The following PIK3C2G variants were observed in gnomAD, a reference collection of about 807,000 sequenced individuals.
PIK3C2G encodes phosphatidylinositol-4-phosphate 3-kinase catalytic subunit type 2 gamma, also known as phosphatidylinositol 3-kinase C2 domain-containing subunit gamma.
In PIK3C2G, 168 loss-of-function variants were observed where a neutral mutation model predicts 181.1. The ratio of observed to expected loss-of-function variants is 0.93; its 90% confidence interval spans 0.82 to 1.05. The LOEUF is 1.05. Ranked by LOEUF, PIK3C2G falls within the 50% of genes least tolerant of loss-of-function variation. PIK3C2G has a pLI of 0.00. For synonymous variants in PIK3C2G, 573 were observed against 592.2 expected, an observed-to-expected ratio of 0.97 and a Z score of 0.47; for missense variants, 1,869 against 1,732.8, an observed-to-expected ratio of 1.08 and a Z score of -1.40.
intron 1 of PIK3C2G, among the ~76,000 whole-genome samples, chr12:18,265,496 T>G (rs1272098978): frequency 6.6e-6 from 1 of 152,156 alleles, no homozygotes. Flanking sequence ...AAACACACAC[T>G]TTTACCTGAT....
rs1000564582 is a variant in PIK3C2G, at chr12:18,346,666, A to T, written c.1455A>T (p.Glu485Asp). ...GCTTGATAGAGAAGGTAACAACTGA[A>T]CTATCCACATCCATCTACCAGCTAA... ...AKGLIEKVTT[E>D]LSTSIYQLIN... Residue 485 changes from glutamate (E) to aspartate (D), a missense_variant, in exon 11 of 33, where the codon GAA (glutamate) becomes GAT (aspartate). Glu to Asp is a conservative substitution (Grantham distance 45). Coordinates refer to ENST00000538779, the MANE Select transcript of PIK3C2G (RefSeq NM_001288772.2). The T allele has an allele frequency of 5.0e-6, 8 of 1,612,298 alleles. No individual in the cohort carries two copies. Among genetic ancestry groups the T allele is most frequent in the African/African-American group, 4.0e-5 (3 of 74,998 alleles).
intron 19 of PIK3C2G, among the ~76,000 whole-genome samples, chr12:18,488,922 G>A (rs1476096427): frequency 2.0e-5 from 3 of 152,010 alleles, no homozygotes; most frequent in South Asian, 2.1e-4. Flanking sequence ...AACTAATCGC[G>A]TCAATATGGA....
At chr12:18,293,875 C>T in intron 4 of PIK3C2G, 26 bp from the exon 5 acceptor site, 3 of 1,147,018 alleles carry the variant, frequency 2.6e-6, no homozygotes, top group Non-Finnish European at 4.0e-6. Context: ...CTTTTATTGA[C>T]TTTTATTATT....
At chr12:18,391,523 T>C (rs1157157067) in intron 15 of PIK3C2G, among the ~76,000 whole-genome samples, 1 of 152,184 alleles carries the variant, frequency 6.6e-6, no homozygotes, top group Admixed American at 6.5e-5. Flanking sequence ...AGAGTGATCA[T>C]ATATACATCA....
intron 7 of PIK3C2G, among the ~76,000 whole-genome samples, 160 bp from the exon 8 acceptor site, chr12:18,324,875 C>A (rs537562060): frequency 6.6e-6 from 1 of 151,986 alleles, no homozygotes; most frequent in Admixed American, 6.6e-5. Context: ...TATAAGGCAC[C>A]CTTCTGAGAT....
chr12:18,658,387 G>A, the PIK3C2G span, among the ~76,000 whole-genome samples: 5 of 152,174 alleles, frequency 3.3e-5, no homozygotes, highest in South Asian at 4.1e-4. Flanking sequence ...AATGAGACAC[G>A]CTATAATCAA....
downstream of PIK3C2G, among the ~76,000 whole-genome samples, chr12:18,653,126 C>A (rs1367937084): frequency 1.3e-5 from 2 of 152,018 alleles, no homozygotes; most frequent in African/African-American, 2.4e-5. Flanking sequence ...GGTTATAGAT[C>A]ATTGCCTGGC....
At chr12:18,256,056 A>C (rs536009956) in intron 1 of PIK3C2G, among the ~76,000 whole-genome samples, 1 of 152,330 alleles carries the variant, frequency 6.6e-6, no homozygotes, top group Middle Eastern at 3.4e-3. Flanking sequence ...AGTATTCAAT[A>C]AATGAATTAT....
the PIK3C2G span, among the ~76,000 whole-genome samples, chr12:18,704,283 G>C: frequency 6.6e-6 from 1 of 152,138 alleles, no homozygotes; most frequent in Non-Finnish European, 1.5e-5. Context: ...CAGGTTGCAA[G>C]GAGACAAGAA....
the PIK3C2G span, among the ~76,000 whole-genome samples, chr12:18,725,256 C>T: frequency 6.6e-6 from 1 of 151,980 alleles, no homozygotes; most frequent in African/African-American, 2.4e-5. Flanking sequence ...GGAAGAAAAG[C>T]AGGACGTGGT....
At chr12:18,674,109 C>T in the PIK3C2G span, among the ~76,000 whole-genome samples, 1 of 152,062 alleles carries the variant, frequency 6.6e-6, no homozygotes, top group African/African-American at 2.4e-5. Flanking sequence ...AGAATAAAAT[C>T]GAAAGACAAA....
the PIK3C2G span, chr12:18,699,714 T>C: frequency 2.2e-6 from 3 of 1,368,838 alleles, no homozygotes; most frequent in South Asian, 2.4e-5. Flanking sequence ...ATTTTATAAA[T>C]ATCATTGAGC....
chr12:18,621,221 G>GAAAAGAA (rs1344733379), intron 31 of PIK3C2G, among the ~76,000 whole-genome samples: 1 of 151,146 alleles, frequency 6.6e-6, no homozygotes, highest in African/African-American at 2.4e-5. Context: ...ACAAAAAACA[G>GAAAAGAA]AAAAGAAAAA....
intron 15 of PIK3C2G, among the ~76,000 whole-genome samples, chr12:18,395,706 T>C: frequency 6.6e-6 from 1 of 151,354 alleles, no homozygotes; most frequent in Admixed American, 6.6e-5. Context: ...AAAAATAAAA[T>C]TTATAATAAC....
chr12:18,630,131 G>A (rs1295092701), intron 31 of PIK3C2G, among the ~76,000 whole-genome samples: 2 of 152,032 alleles, frequency 1.3e-5, no homozygotes, highest in African/African-American at 4.8e-5. Flanking sequence ...GATGAAGGGG[G>A]CCAGGTGCGG....
At chr12:18,276,805 A>T (rs577724370) in intron 1 of PIK3C2G, among the ~76,000 whole-genome samples, 288 of 152,318 alleles carry the variant, frequency 1.9e-3, no homozygotes, top group African/African-American at 6.6e-3. Flanking sequence ...TGTGCAAATG[A>T]GTAATAGGTG....
At chr12:18,715,269 C>A in the PIK3C2G span, among the ~76,000 whole-genome samples, 28 of 145,760 alleles carry the variant, frequency 1.9e-4, no homozygotes, top group African/African-American at 6.3e-4. Flanking sequence ...TTGGAAGAAC[C>A]CTGATGAGGA....
the PIK3C2G span, chr12:18,719,638 A>C: frequency 6.4e-7 from 1 of 1,552,610 alleles, no homozygotes; most frequent in Non-Finnish European, 8.8e-7. Context: ...CCTAACTAAA[A>C]AAATAAAATA....
At chr12:18,551,606 C>CAAAACAAAACCCCACACTTCAA (rs1199097311) in intron 26 of PIK3C2G, among the ~76,000 whole-genome samples, 1 of 152,032 alleles carries the variant, frequency 6.6e-6, no homozygotes, top group Non-Finnish European at 1.5e-5. Flanking sequence ...CAGCTTCAAG[C>CAAAACAAAACCCCACACTTCAA]AAAACAAAAC....
Sources: gnomAD v4.1 joint callset for allele counts (sites outside exome capture counted in the v4.1 genomes callset) on GRCh38, gnomAD v4.1.1 for gene constraint, MANE v1.5 for transcripts, NCBI Gene and HGNC (gene_info 2026-07-23, HGNC 2026-07-21) for gene names.